Variants in VSTM2A observed in about 807,000 individuals in gnomAD.
VSTM2A encodes the protein V-set and transmembrane domain containing 2A.
A neutral mutation model predicts 27.3 loss-of-function variants in VSTM2A; 13 were observed. The observed-to-expected ratio is 0.48, with a 90% confidence interval of 0.31 to 0.76. VSTM2A has a LOEUF of 0.76. VSTM2A is among the 30% of genes least tolerant of loss of function. The pLI is 0.05. For synonymous variants in VSTM2A, 142 were observed against 125.7 expected, an observed-to-expected ratio of 1.13 and a Z score of -0.87; for missense variants, 280 against 310.0, an observed-to-expected ratio of 0.90 and a Z score of 0.73.
intron 4 of VSTM2A, among the ~76,000 whole-genome samples, chr7:54,568,703 A>G (rs1048418978): frequency 2.0e-5 from 3 of 152,126 alleles, no homozygotes; most frequent in Admixed American, 6.5e-5. Context: ...TATAGGAAGA[A>G]CCAGATGACT....
intron 2 of VSTM2A, 120 bp from the exon 3 acceptor site, chr7:54,546,827 G>GCTCCCCTGTCCCCTGGTCA: frequency 1.5e-6 from 2 of 1,368,114 alleles, no homozygotes; most frequent in Non-Finnish European, 2.0e-6. Flanking sequence ...GCCCCTGGTC[G>GCTCCCCTGTCCCCTGGTCA]CTCCCCTGTC....
At chr7:54,553,780 A>T in intron 4 of VSTM2A, 1 of 1,521,630 alleles carries the variant, frequency 6.6e-7, no homozygotes, top group Non-Finnish European at 8.8e-7. Context: ...TTCGCAGAGA[A>T]CACAGGACTC....
intron 4 of VSTM2A, chr7:54,558,875 G>A (rs796689097): frequency 9.9e-5 from 15 of 152,148 alleles, no homozygotes; most frequent in African/African-American, 3.6e-4. Flanking sequence ...TTGTGGCTTT[G>A]AAGGTTAAAA....
chr7:54,569,667 T>A lies in VSTM2A; in HGVS notation c.*448T>A, dbSNP rs1000221796. 3.2e-5 allele frequency: 5 copies of A among 157,364 alleles called. No individual in the cohort carries two copies. Among genetic ancestry groups the A allele is most frequent in the African/African-American group, 1.2e-4 (5 of 41,446 alleles). 9.7% of individuals were successfully genotyped at this position (157,364 alleles called of 1,614,324 possible). A position where few individuals can be genotyped will look rare whatever the true frequency, so the allele number is the denominator to read the frequency against. ...TTTATTTTCCCCTTTTTTTCTTGGA[T>A]TTTTCTTCTTTTTCTTGATTACAGT... On this transcript the variant is annotated 3_prime_UTR_variant, in exon 5 of 5. Transcript: ENST00000402613.
chr7:54,566,554 A>G (rs1466793612), intron 4 of VSTM2A, among the ~76,000 whole-genome samples: 1 of 152,242 alleles, frequency 6.6e-6, no homozygotes, highest in Non-Finnish European at 1.5e-5. Context: ...TGAGGGCAAT[A>G]GTTGCTTAAA....
chr7:54,546,871 C>T, intron 2 of VSTM2A, 76 bp from the exon 3 acceptor site: 1 of 1,573,232 alleles, frequency 6.4e-7, no homozygotes, highest in Non-Finnish European at 8.6e-7. Context: ...CCCGGAGCCG[C>T]GAAGGCTATG....
intron 4 of VSTM2A, among the ~76,000 whole-genome samples, chr7:54,564,527 A>G (rs1303658353): frequency 6.6e-6 from 1 of 152,214 alleles, no homozygotes; most frequent in Non-Finnish European, 1.5e-5. Flanking sequence ...ATATTTGGAG[A>G]ACTTATCAAA....
chr7:54,549,428 G>A (rs192383786), intron 3 of VSTM2A, among the ~76,000 whole-genome samples: 39 of 152,336 alleles, frequency 2.6e-4, no homozygotes, highest in Non-Finnish European at 4.3e-4. Flanking sequence ...GAGTTGAGGG[G>A]CTTAGTTTAT....
At chr7:54,546,420 G>A (rs1787971162) in intron 2 of VSTM2A, among the ~76,000 whole-genome samples, 1 of 151,962 alleles carries the variant, frequency 6.6e-6, no homozygotes, top group Non-Finnish European at 1.5e-5. Flanking sequence ...AAGAGAATCT[G>A]GGGCCAGGAG....
chr7:54,556,084 G>A (rs905663132), intron 4 of VSTM2A, among the ~76,000 whole-genome samples: 1 of 152,128 alleles, frequency 6.6e-6, no homozygotes, highest in Non-Finnish European at 1.5e-5. Context: ...ATCTGTATGT[G>A]TATCTGTGTC....
intron 4 of VSTM2A, chr7:54,551,670 A>G (rs907201185): frequency 6.6e-6 from 1 of 152,200 alleles, no homozygotes; most frequent in Non-Finnish European, 1.5e-5. Flanking sequence ...CTTTGTGACT[A>G]TTATTTGAGG....
intron 4 of VSTM2A, chr7:54,554,047 T>G (rs999546132): frequency 3.7e-5 from 58 of 1,552,634 alleles, no homozygotes; most frequent in Non-Finnish European, 4.8e-5. Flanking sequence ...ACCCCTGGTG[T>G]GCAGAGCTGC....
chr7:54,546,000 G>C (rs1787949967), intron 2 of VSTM2A, among the ~76,000 whole-genome samples: 1 of 106,038 alleles, frequency 9.4e-6, no homozygotes, highest in Admixed American at 9.6e-5. Flanking sequence ...GAGGGGGGAA[G>C]GGGGGAGGAA....
At position 54,570,671 on chromosome 7, in the gene VSTM2A, C is replaced by T. The variant is rs1424094690; in HGVS notation, c.*1452C>T. ...GACTATTTTATTTTGAACCTGTTTT[C>T]TACTCTGGCAAAGAAAGATAGGCAG... On this transcript the variant is annotated 3_prime_UTR_variant, in exon 5 of 5. Coordinates refer to ENST00000402613, the MANE Select transcript of VSTM2A (RefSeq NM_001301009.2). The T allele has an allele frequency of 6.6e-6, 1 of 152,084 alleles. No homozygotes were observed. The highest frequency in any genetic ancestry group is 6.6e-5 in the Admixed American group (1 of 15,260). The allele number at this position is 152,084 out of a possible 1,614,324, so 9.4% of individuals were successfully genotyped here.
At chr7:54,556,830 G>A (rs1191467307) in intron 4 of VSTM2A, 1 of 152,158 alleles carries the variant, frequency 6.6e-6, no homozygotes, top group African/African-American at 2.4e-5. Context: ...ATGATATCAA[G>A]GTTGGATGGG....
intron 4 of VSTM2A, among the ~76,000 whole-genome samples, chr7:54,555,133 T>C (rs915834706): frequency 6.6e-6 from 1 of 152,220 alleles, no homozygotes. Context: ...GTCCTAGTAA[T>C]TGTCTCCCTA....
At chr7:54,558,217 A>G (rs1175014960) in intron 4 of VSTM2A, 2 of 152,246 alleles carry the variant, frequency 1.3e-5, no homozygotes, top group African/African-American at 4.8e-5. Flanking sequence ...TAAAATCACA[A>G]AGTAATTAGC....
At chr7:54,558,562 C>G (rs1788447340) in intron 4 of VSTM2A, 1 of 152,034 alleles carries the variant, frequency 6.6e-6, no homozygotes, top group Non-Finnish European at 1.5e-5. Context: ...AGTTCTCTAC[C>G]TCTTTACCTA....
chr7:54,562,304 A>G (rs1788587497), intron 4 of VSTM2A, among the ~76,000 whole-genome samples: 1 of 152,148 alleles, frequency 6.6e-6, no homozygotes, highest in African/African-American at 2.4e-5. Context: ...GAAATCACAT[A>G]TTTGGAGCCA....
Sources: allele counts gnomAD v4.1 joint callset (sites outside exome capture counted in the v4.1 genomes callset), GRCh38; gene constraint gnomAD v4.1.1; transcripts MANE v1.5; gene names NCBI Gene and HGNC (gene_info 2026-07-23, HGNC 2026-07-21).